Variants in ROBO2 observed in about 807,000 individuals in gnomAD.
ROBO2 encodes roundabout homolog 2.
A neutral mutation model predicts 160.8 loss-of-function variants in ROBO2; 53 were observed. The observed-to-expected ratio is 0.33, with a 90% CI of 0.26 to 0.41. The LOEUF is 0.41. Among genes scored for constraint, ROBO2 ranks in the 10% least tolerant of loss-of-function variants. The pLI, the probability that ROBO2 is intolerant of heterozygous loss-of-function variation, is 1.00. For synonymous variants in ROBO2, 664 were observed against 611.7 expected (o/e 1.09, Z -1.26); for missense variants, 1,577 against 1,722.4 (o/e 0.92, Z 1.49).
At position 76,049,383 on chromosome 3, in the gene ROBO2, G is replaced by GTGTGTGTATATATATATA. The variant is rs1440395230; in HGVS notation, c.109+111782_109+111783insGTGTGTATATATATATAT. On this transcript the variant is annotated intron_variant, in intron 2 of 26. Transcript: ENST00000487694. The stretch of plus-strand genomic sequence containing the variant: ...ATGCCACCACCCCTGGCTAATTTTA[G>GTGTGTGTATATATATATA]TATATATATATATATATATATTTTT... 6.7e-3 allele frequency among the ~76,000 whole-genome samples: 246 copies of GTGTGTGTATATATATATA among 36,744 alleles called. 25 individuals carry two copies. Among genetic ancestry groups the GTGTGTGTATATATATATA allele is most frequent in the African/African-American group, 0.013 (111 of 8,854 alleles). The allele number at this position is 36,744 out of a possible 152,430, so 24.1% of individuals were successfully genotyped here. A position where few individuals can be genotyped will look rare whatever the true frequency, so the allele number is the denominator to read the frequency against.
At chr3:76,068,194 AG>A (rs1325982924) in intron 2 of ROBO2, among the ~76,000 whole-genome samples, 1 of 152,174 alleles carries the variant, frequency 6.6e-6, no homozygotes, top group Admixed American at 6.5e-5. Flanking sequence ...AGAGGCCTGC[AG>A]GTGTCTGGTG....
intron 2 of ROBO2, among the ~76,000 whole-genome samples, chr3:77,102,869 A>G (rs980697366): frequency 6.8e-6 from 1 of 147,040 alleles, no homozygotes; most frequent in Non-Finnish European, 1.5e-5. Context: ...AAAAAAAAAT[A>G]GCTATCCAGA....
At chr3:75,938,345 A>G (rs977678686) in intron 2 of ROBO2, among the ~76,000 whole-genome samples, 1 of 151,732 alleles carries the variant, frequency 6.6e-6, no homozygotes, top group Non-Finnish European at 1.5e-5. Flanking sequence ...GAGGTTTTGG[A>G]GGTGTGTTTT....
chr3:75,946,087 G>GA (rs138033698), intron 2 of ROBO2, among the ~76,000 whole-genome samples: 1 of 151,920 alleles, frequency 6.6e-6, no homozygotes, highest in Non-Finnish European at 1.5e-5. Flanking sequence ...CTTCTACCAG[G>GA]AAAAAAATTG....
chr3:77,485,018 T>C (rs2153593034), intron 4 of ROBO2, among the ~76,000 whole-genome samples: 1 of 152,282 alleles, frequency 6.6e-6, no homozygotes, highest in East Asian at 1.9e-4. Flanking sequence ...TTAAGTCCCC[T>C]TCACTACAGT....
chr3:76,548,646 T>TC (rs1351298567), intron 2 of ROBO2, among the ~76,000 whole-genome samples: 1 of 151,674 alleles, frequency 6.6e-6, no homozygotes, highest in African/African-American at 2.4e-5. Flanking sequence ...ATTTTTTTTT[T>TC]TTTTAATAGA....
intron 2 of ROBO2, among the ~76,000 whole-genome samples, chr3:76,636,666 GTC>G (rs1384031746): frequency 1.3e-5 from 2 of 152,070 alleles, no homozygotes; most frequent in Non-Finnish European, 2.9e-5. Context: ...GTCTAGATAA[GTC>G]TCTTATCAAA....
intron 5 of ROBO2, among the ~76,000 whole-genome samples, chr3:77,516,716 A>G (rs1177477891): frequency 6.6e-6 from 1 of 151,684 alleles, no homozygotes; most frequent in African/African-American, 2.4e-5. Context: ...CCAAGTTCTT[A>G]CATTTTCAGT....
At position 76,406,413 on chromosome 3, in the gene ROBO2, C is replaced by G. The variant is rs201647771; in HGVS notation, c.109+468811C>G. 4.1e-4 allele frequency among the ~76,000 whole-genome samples: 62 copies of G among 151,944 alleles called. No individual in the cohort carries two copies. The East Asian group carries it at 0.012, about 29-fold the overall frequency. On this transcript the variant is annotated intron_variant, in intron 2 of 26. Transcript: ENST00000487694. Reference sequence around the variant, plus strand: ...AGTTGTAAACAGATGAGAACGGGAACTTGCTGTGATATTTCTAGTCCTTGT... The same window carrying G: ...AGTTGTAAACAGATGAGAACGGGAAGTTGCTGTGATATTTCTAGTCCTTGT...
rs529800520 is a variant in ROBO2, at chr3:77,319,853, T to C, written c.389-157561T>C. Among the ~76,000 whole-genome samples the C allele has an allele frequency of 9.2e-5, 14 of 152,324 alleles. No homozygotes were observed. The South Asian group carries it at 2.7e-3, about 29-fold the overall frequency. On this transcript the variant is annotated intron_variant, in intron 2 of 25. Coordinates refer to ENST00000461745, the Ensembl canonical transcript of ROBO2. ...GAAACTCTGTTGAGAAAGTTGCTTA[T>C]GCTATTGGTCCTCCTTTTCTGTTGT...
At position 76,876,529 on chromosome 3, in the gene ROBO2, G is replaced by T. The variant is rs893396158; in HGVS notation, c.110-221485G>T. On this transcript the variant is annotated intron_variant, in intron 2 of 26. Coordinates refer to the ROBO2 transcript ENST00000487694. ...GCCTCTACTAAAAATATAAAAATGA[G>T]CCAGGCATGGTGGTGCATGCCTTTA... is the stretch of plus-strand genomic sequence containing the variant. Among the ~76,000 whole-genome samples the T allele has an allele frequency of 9.2e-5, 14 of 152,232 alleles. No individual in the cohort carries two copies. In the East Asian group the frequency reaches 2.7e-3, roughly 30 times the overall value.
chr3:76,534,824 T>C (rs2108115654), intron 2 of ROBO2, among the ~76,000 whole-genome samples: 1 of 152,102 alleles, frequency 6.6e-6, no homozygotes, highest in South Asian at 2.1e-4. Flanking sequence ...GAGAGAACCT[T>C]AGGGGTTGGT....
intron 2 of ROBO2, among the ~76,000 whole-genome samples, chr3:76,087,673 A>G (rs1365485737): frequency 6.6e-6 from 1 of 152,104 alleles, no homozygotes; most frequent in African/African-American, 2.4e-5. Flanking sequence ...AAATAATAGC[A>G]ATAATGAATT....
At chr3:76,056,514 A>C (rs908132682) in intron 2 of ROBO2, among the ~76,000 whole-genome samples, 24 of 152,052 alleles carry the variant, frequency 1.6e-4, no homozygotes, top group Non-Finnish European at 8.8e-5. Context: ...TTGAAGAAAA[A>C]AAACCCATTC....
chr3:77,272,484 A>AGGGG (rs1372505121), intron 2 of ROBO2, among the ~76,000 whole-genome samples: 1 of 152,160 alleles, frequency 6.6e-6, no homozygotes, highest in East Asian at 1.9e-4. Flanking sequence ...AAGAACAGCA[A>AGGGG]GGGGGAAATA....
intron 2 of ROBO2, among the ~76,000 whole-genome samples, chr3:76,084,627 A>C (rs535091672): frequency 6.6e-6 from 1 of 152,260 alleles, no homozygotes; most frequent in Non-Finnish European, 1.5e-5. Context: ...CCATTATAAT[A>C]TCTGGCATGA....
intron 2 of ROBO2, among the ~76,000 whole-genome samples, chr3:76,965,878 T>C (rs1176103117): frequency 6.8e-6 from 1 of 147,616 alleles, no homozygotes; most frequent in Non-Finnish European, 1.5e-5. Flanking sequence ...AAGTTTTCCC[T>C]GTTTGCTTTA....
At chr3:76,863,933 C>T (rs1000415865) in intron 2 of ROBO2, among the ~76,000 whole-genome samples, 8 of 151,962 alleles carry the variant, frequency 5.3e-5, no homozygotes, top group African/African-American at 1.4e-4. Flanking sequence ...AAATAAAAGG[C>T]AATCCTGATG....
chr3:77,124,328 C>T lies in ROBO2; in HGVS notation c.388+25988C>T, dbSNP rs918769118. 8.6e-5 allele frequency among the ~76,000 whole-genome samples: 13 copies of T among 151,938 alleles called. No homozygotes were observed. The East Asian group carries it at 9.7e-4, about 11-fold the overall frequency. The stretch of plus-strand genomic sequence containing the variant: ...TGGAGCATATCAGAAGGAAATAGCA[C>T]GGTGAAAGTAGACATTTCAAGCCGG... On this transcript the variant is annotated intron_variant, in intron 2 of 25. Transcript: ENST00000461745.
Sources: gnomAD v4.1 joint callset for allele counts (sites outside exome capture counted in the v4.1 genomes callset) on GRCh38, gnomAD v4.1.1 for gene constraint, MANE v1.5 for transcripts, NCBI Gene and HGNC (gene_info 2026-07-23, HGNC 2026-07-21) for gene names.